SNRPA: variants seen among roughly 807,000 people sequenced by gnomAD.
SNRPA encodes U1 small nuclear ribonucleoprotein A.
Under a neutral mutation model 24.5 loss-of-function variants are expected in SNRPA, and 10 were observed. The ratio of observed to expected loss-of-function variants is 0.41; its 90% CI spans 0.25 to 0.69. SNRPA has a LOEUF of 0.69. Ranked by LOEUF, SNRPA falls within the 30% of genes least tolerant of loss-of-function variation. SNRPA has a pLI of 0.33. For synonymous variants in SNRPA, 165 were observed against 148.4 expected (o/e 1.11, Z -0.81); for missense variants, 283 against 394.7 (o/e 0.72, Z 2.40).
intron 2 of SNRPA, 52 bp from the exon 3 acceptor site, chr19:40,759,379 C>A: frequency 6.6e-7 from 1 of 1,512,782 alleles, no homozygotes; most frequent in Non-Finnish European, 8.9e-7. Flanking sequence ...TGAATCTTGG[C>A]AATTGGGCTC....
intron 5 of SNRPA, among the ~76,000 whole-genome samples, 173 bp downstream of exon 5, chr19:40,763,848 G>C (rs568027815): frequency 1.3e-5 from 2 of 152,256 alleles, no homozygotes; most frequent in African/African-American, 4.8e-5. Context: ...CACGGCCTGT[G>C]GGGGACATGG....
Position 40,761,458 on chromosome 19 carries a change from C to CTTTTTTTTTTTTTTTTTTTTTTT in SNRPA, c.427-1439_427-1417dup, listed in dbSNP as rs200242370. On this transcript the variant is annotated intron_variant, in intron 3 of 5. Transcript: ENST00000243563. ...TCTCTTTTCTTTTCTTTTTCTTTTTCTTTTTTTTTTTTTTTTTTTTTTTTT... is the reference window on the plus strand; with the variant it reads ...TCTCTTTTCTTTTCTTTTTCTTTTTCTTTTTTTTTTTTTTTTTTTTTTTTTTTTTTTTTTTTTTTTTTTTTTTT... 1.9e-3 allele frequency among the ~76,000 whole-genome samples: 164 copies of CTTTTTTTTTTTTTTTTTTTTTTT among 85,872 alleles called. 8 individuals carry two copies. The highest frequency in any genetic ancestry group is 2.7e-3 in the Non-Finnish European group (124 of 46,042). The allele number at this position is 85,872 out of a possible 152,430, so 56.3% of individuals were successfully genotyped here.
chr19:40,760,474 A>G (rs1462809152), intron 3 of SNRPA, among the ~76,000 whole-genome samples: 1 of 152,256 alleles, frequency 6.6e-6, no homozygotes, highest in Non-Finnish European at 1.5e-5. Context: ...AGTATTGTCA[A>G]GAGGTCAGTT....
rs183167637 is a variant in SNRPA at position 40,763,582 on chromosome 19, C to G, written c.601-5C>G. 6.2e-7 allele frequency: 1 copy of G among 1,613,904 alleles called. No individual in the cohort carries two copies. The highest frequency in any genetic ancestry group is 1.1e-5 in the South Asian group (1 of 91,068). On this transcript the variant is annotated splice_polypyrimidine_tract_variant and splice_region_variant and intron_variant, in intron 4 of 5. Coordinates refer to ENST00000243563, the MANE Select transcript of SNRPA (RefSeq NM_004596.5). ...GTGCTCACCGACTCCCCTATACCCC[C>G]GCAGCTTTCTGAGAATCCACCGAAT...
intron 1 of SNRPA, among the ~76,000 whole-genome samples, chr19:40,752,792 G>A (rs2145005756): frequency 6.6e-6 from 1 of 151,888 alleles, no homozygotes; most frequent in Non-Finnish European, 1.5e-5. Flanking sequence ...AAATCGGAAA[G>A]ACTCTCTCAC....
chr19:40,755,947 G>T (rs2082906824), intron 1 of SNRPA, among the ~76,000 whole-genome samples: 1 of 152,102 alleles, frequency 6.6e-6, no homozygotes, highest in Admixed American at 6.6e-5. Context: ...GCCACCTAAT[G>T]GGTTTGTTGT....
intron 1 of SNRPA, among the ~76,000 whole-genome samples, chr19:40,756,691 AG>A (rs1245897014): frequency 6.6e-6 from 1 of 152,150 alleles, no homozygotes; most frequent in Non-Finnish European, 1.5e-5. Flanking sequence ...CAGGCAAGAT[AG>A]ACAAGTTAAC....
intron 1 of SNRPA, among the ~76,000 whole-genome samples, chr19:40,751,895 A>G (rs1259973392): frequency 1.3e-5 from 2 of 152,186 alleles, no homozygotes; most frequent in Admixed American, 1.3e-4. Flanking sequence ...TTTTTCAGTG[A>G]TCAGCCCACA....
intron 1 of SNRPA, among the ~76,000 whole-genome samples, chr19:40,754,664 A>G (rs2082900917): frequency 6.6e-6 from 1 of 152,186 alleles, no homozygotes; most frequent in African/African-American, 2.4e-5. Context: ...TCTGAGTATT[A>G]CAAGTAGTTT....
chr19:40,754,383 A>C (rs543388474), intron 1 of SNRPA, among the ~76,000 whole-genome samples: 1 of 152,256 alleles, frequency 6.6e-6, no homozygotes, highest in East Asian at 1.9e-4. Context: ...TACAGGTGTG[A>C]ACCACCGCAC....
intron 1 of SNRPA, among the ~76,000 whole-genome samples, chr19:40,754,005 G>A (rs1192500634): frequency 6.6e-6 from 1 of 150,648 alleles, no homozygotes; most frequent in Non-Finnish European, 1.5e-5. Context: ...GTTTAACCAT[G>A]TTAGCCAGGA....
chr19:40,757,617 C>A, intron 2 of SNRPA, 113 bp downstream of exon 2: 1 of 1,031,432 alleles, frequency 9.7e-7, no homozygotes, highest in Non-Finnish European at 1.4e-6. Flanking sequence ...TGAGGCTGGA[C>A]CAGGCTCCCA....
chr19:40,763,142 G>A (rs2082940166), intron 4 of SNRPA, 68 bp downstream of exon 4: 6 of 1,275,414 alleles, frequency 4.7e-6, no homozygotes, highest in Admixed American at 2.4e-5. Flanking sequence ...AAAGGGACCA[G>A]TTGGGGGGCT....
chr19:40,762,973 C>G lies in SNRPA; in HGVS notation c.499C>G (p.Pro167Ala). 6.2e-7 allele frequency: 1 copy of G among 1,613,502 alleles called. No individual in the cohort carries two copies. Among genetic ancestry groups the G allele is most frequent in the South Asian group, 1.1e-5 (1 of 91,052 alleles). ...GGGCCAGCCGCCCTACATGCCGCCC[C>G]CTGGTATGATCCCCCCGCCAGGCCT... ...MPGQPPYMPP[P>A]GMIPPPGLAP... is the part of the protein sequence containing the mutation. Residue 167 changes from proline (P) to alanine (A), a missense_variant, in exon 4 of 6, where the codon CCT becomes GCT. Transcript: ENST00000243563.
chr19:40,763,818 G>C, intron 5 of SNRPA, 143 bp downstream of exon 5: 2 of 728,658 alleles, frequency 2.7e-6, no homozygotes, highest in East Asian at 5.2e-5. Context: ...GATGTGAAAG[G>C]AGGAGGCTGT....
chr19:40,756,980 G>C, intron 1 of SNRPA: 2 of 281,164 alleles, frequency 7.1e-6, no homozygotes, highest in South Asian at 6.3e-5. Context: ...GATGAGGTGG[G>C]GGAAATCTGC....
intron 1 of SNRPA, among the ~76,000 whole-genome samples, chr19:40,756,146 A>G (rs915350779): frequency 3.3e-5 from 5 of 151,740 alleles, no homozygotes; most frequent in African/African-American, 9.7e-5. Flanking sequence ...CTGCGTGCCT[A>G]TGGTCCCAGC....
At chr19:40,755,614 G>T (rs908535453) in intron 1 of SNRPA, among the ~76,000 whole-genome samples, 1 of 152,176 alleles carries the variant, frequency 6.6e-6, no homozygotes, top group Admixed American at 6.5e-5. Context: ...GAGTGCAAAG[G>T]ATCTGCCCAC....
chr19:40,761,456 T>C (rs1318651058), intron 3 of SNRPA, among the ~76,000 whole-genome samples: 10 of 129,338 alleles, frequency 7.7e-5, no homozygotes, highest in African/African-American at 2.5e-4. Context: ...CTTTTTCTTT[T>C]TCTTTTTTTT....
Sources: allele counts gnomAD v4.1 joint callset (sites outside exome capture counted in the v4.1 genomes callset), GRCh38; gene constraint gnomAD v4.1.1; transcripts MANE v1.5; gene names NCBI Gene and HGNC (gene_info 2026-07-23, HGNC 2026-07-21).